SPAG16: variants seen among roughly 807,000 people sequenced by gnomAD.
SPAG16 encodes sperm-associated antigen 16 protein.
SPAG16 carries 86 observed loss-of-function variants against 80.4 expected under a neutral mutation model. The observed-to-expected ratio is 1.07, with a 90% CI of 0.90 to 1.28. The LOEUF (loss-of-function observed/expected upper bound fraction) is 1.28, where lower values mean the gene tolerates loss of function less well. SPAG16 is among the 50% of genes most tolerant of loss of function. The pLI is 0.00. For missense variants in SPAG16, 870 were observed against 765.3 expected (o/e 1.14, Z -1.61); for synonymous variants, 294 against 265.9 (o/e 1.11, Z -1.03).
chr2:214,325,003 A>G (rs995271001), intron 15 of SPAG16, among the ~76,000 whole-genome samples: 1 of 152,242 alleles, frequency 6.6e-6, no homozygotes, highest in Non-Finnish European at 1.5e-5. Context: ...TACCAAAAAT[A>G]GTAGAAAACC....
At chr2:214,360,260 T>G (rs1462139621) in intron 15 of SPAG16, among the ~76,000 whole-genome samples, 1 of 151,872 alleles carries the variant, frequency 6.6e-6, no homozygotes. Flanking sequence ...TTCCTAGATT[T>G]AACATATATT....
chr2:214,364,620 C>A (rs1376186911), intron 15 of SPAG16, among the ~76,000 whole-genome samples: 1 of 152,114 alleles, frequency 6.6e-6, no homozygotes, highest in Non-Finnish European at 1.5e-5. Context: ...TTACTAAAAG[C>A]TTCACCGAAG....
chr2:213,732,323 C>T (rs1193055443), intron 10 of SPAG16, among the ~76,000 whole-genome samples: 1 of 113,842 alleles, frequency 8.8e-6, no homozygotes, highest in Admixed American at 9.7e-5. Context: ...AACTCCCATT[C>T]ACGATTGCCC....
intron 13 of SPAG16, among the ~76,000 whole-genome samples, chr2:214,019,128 T>C (rs1175897353): frequency 6.6e-6 from 1 of 152,128 alleles, no homozygotes; most frequent in African/African-American, 2.4e-5. Flanking sequence ...CAGAAAGTGA[T>C]ATATCACATA....
intron 12 of SPAG16, among the ~76,000 whole-genome samples, chr2:213,982,788 G>A (rs1235734034): frequency 6.6e-6 from 1 of 151,838 alleles, no homozygotes; most frequent in Admixed American, 6.6e-5. Flanking sequence ...ACCTTGAAGT[G>A]GTCTGGAAAA....
At chr2:214,325,472 G>A (rs2126001120) in intron 15 of SPAG16, among the ~76,000 whole-genome samples, 1 of 152,270 alleles carries the variant, frequency 6.6e-6, no homozygotes, top group East Asian at 1.9e-4. Flanking sequence ...TTATTATAAT[G>A]AGAAGCCTTA....
intron 12 of SPAG16, among the ~76,000 whole-genome samples, chr2:214,011,982 A>T (rs1047824543): frequency 6.6e-6 from 1 of 151,958 alleles, no homozygotes; most frequent in African/African-American, 2.4e-5. Context: ...CTCAGAATGT[A>T]GGAGCTGGAC....
Position 213,813,988 on chromosome 2 carries a change from G to A in SPAG16, c.1071-48497G>A, listed in dbSNP as rs76255954. On this transcript the variant is annotated intron_variant, in intron 10 of 15. Coordinates refer to ENST00000331683, the MANE Select transcript of SPAG16 (RefSeq NM_024532.5). ...AGCAGTCACAAGCCTGAGACACAGAGGGAGAAAGTGGGTAGGAGGAGACGG... is the reference window on the plus strand; with the variant it reads ...AGCAGTCACAAGCCTGAGACACAGAAGGAGAAAGTGGGTAGGAGGAGACGG... Among the ~76,000 whole-genome samples, 218 of 152,256 alleles carry A rather than the reference G, an allele frequency of 1.4e-3. 1 individual carries two copies. In the East Asian group the frequency reaches 0.027, roughly 19 times the overall value.
chr2:214,063,731 T>C (rs2050396108), intron 13 of SPAG16, among the ~76,000 whole-genome samples: 1 of 152,338 alleles, frequency 6.6e-6, no homozygotes, highest in Admixed American at 6.5e-5. Context: ...TGGATTGTTT[T>C]CTTACCTCCT....
chr2:213,674,518 A>G (rs373105584), intron 10 of SPAG16, among the ~76,000 whole-genome samples: 1 of 150,222 alleles, frequency 6.7e-6, no homozygotes, highest in Non-Finnish European at 1.5e-5. Context: ...ATATCTCCCA[A>G]TGCTATCCCT....
intron 9 of SPAG16, among the ~76,000 whole-genome samples, chr2:213,465,757 C>T (rs1163806392): frequency 6.6e-6 from 1 of 152,206 alleles, no homozygotes; most frequent in African/African-American, 2.4e-5. Flanking sequence ...GCAGGCCAGT[C>T]ATCCTTTAGC....
chr2:214,035,713 C>T (rs2048660799), intron 13 of SPAG16, among the ~76,000 whole-genome samples: 1 of 152,230 alleles, frequency 6.6e-6, no homozygotes, highest in South Asian at 2.1e-4. Context: ...GCCAGGTCTG[C>T]AGCCATGGCT....
At chr2:214,355,325 G>GA (rs71037371) in intron 15 of SPAG16, among the ~76,000 whole-genome samples, 1 of 96,502 alleles carries the variant, frequency 1.0e-5, no homozygotes, top group Admixed American at 1.2e-4. Flanking sequence ...AAATTTACAA[G>GA]AAAAAAAAAA....
At chr2:213,827,526 G>C (rs980967784) in intron 10 of SPAG16, among the ~76,000 whole-genome samples, 7 of 151,574 alleles carry the variant, frequency 4.6e-5, no homozygotes, top group Non-Finnish European at 1.0e-4. Flanking sequence ...TCATTTTTCT[G>C]TTTTTCTACT....
chr2:213,748,139 T>A (rs2067916484), intron 10 of SPAG16, among the ~76,000 whole-genome samples: 1 of 152,196 alleles, frequency 6.6e-6, no homozygotes, highest in Non-Finnish European at 1.5e-5. Flanking sequence ...GAATTTCAGG[T>A]TACAAAAAAT....
At chr2:213,921,991 T>G (rs2078246265) in intron 11 of SPAG16, among the ~76,000 whole-genome samples, 1 of 152,186 alleles carries the variant, frequency 6.6e-6, no homozygotes, top group South Asian at 2.1e-4. Flanking sequence ...AATCTGATGA[T>G]TATGTGTCTT....
At chr2:213,727,942 G>T (rs1328835594) in intron 10 of SPAG16, among the ~76,000 whole-genome samples, 1 of 151,978 alleles carries the variant, frequency 6.6e-6, no homozygotes, top group Admixed American at 6.6e-5. Flanking sequence ...TCCGTCTCCT[G>T]GGTTCAAGCG....
At chr2:213,858,151 A>G (rs1377984464) in intron 10 of SPAG16, among the ~76,000 whole-genome samples, 2 of 152,220 alleles carry the variant, frequency 1.3e-5, no homozygotes, top group African/African-American at 4.8e-5. Context: ...AAAATATTTC[A>G]TAAACATATT....
intron 12 of SPAG16, among the ~76,000 whole-genome samples, chr2:213,996,506 T>C (rs1178657496): frequency 6.6e-6 from 1 of 151,262 alleles, no homozygotes; most frequent in Non-Finnish European, 1.5e-5. Flanking sequence ...GGCCATTGAA[T>C]CACAGTGCCT....
Sources: allele counts gnomAD v4.1 joint callset (sites outside exome capture counted in the v4.1 genomes callset), GRCh38; gene constraint gnomAD v4.1.1; transcripts MANE v1.5; gene names NCBI Gene and HGNC (gene_info 2026-07-23, HGNC 2026-07-21).